Variants in TMEM132C observed in about 807,000 individuals in gnomAD.
TMEM132C encodes transmembrane protein 132C, also known as protein phosphatase 1, regulatory subunit 152.
TMEM132C carries 29 observed loss-of-function variants against 61.4 expected under a neutral mutation model. The ratio of observed to expected loss-of-function variants is 0.47; its 90% CI spans 0.35 to 0.64. The LOEUF is 0.64. Among genes scored for constraint, TMEM132C ranks in the 30% least tolerant of loss-of-function variants. The pLI is 0.00. For missense variants in TMEM132C, 1,408 were observed against 1,476.9 expected, an observed-to-expected ratio of 0.95 and a Z score of 0.76; for synonymous variants, 656 against 633.1, an observed-to-expected ratio of 1.04 and a Z score of -0.54.
intron 1 of TMEM132C, among the ~76,000 whole-genome samples, chr12:128,398,283 T>C (rs1593039249): frequency 6.6e-6 from 1 of 152,240 alleles, no homozygotes; most frequent in African/African-American, 2.4e-5. Flanking sequence ...ATTCAGCATC[T>C]CTAGACTGAC....
At chr12:128,596,651 G>A (rs546063208) in intron 3 of TMEM132C, among the ~76,000 whole-genome samples, 76 of 148,380 alleles carry the variant, frequency 5.1e-4, no homozygotes, top group African/African-American at 1.7e-3. Context: ...TGCCCCTTTC[G>A]CAGGTCCTGG....
chr12:128,565,282 A>C (rs1874657994), intron 3 of TMEM132C, among the ~76,000 whole-genome samples: 1 of 152,198 alleles, frequency 6.6e-6, no homozygotes, highest in South Asian at 2.1e-4. Flanking sequence ...GCCTTCATAT[A>C]AGACCCCGGC....
At chr12:128,548,377 C>A (rs1259514574) in intron 3 of TMEM132C, among the ~76,000 whole-genome samples, 1 of 152,172 alleles carries the variant, frequency 6.6e-6, no homozygotes, top group Non-Finnish European at 1.5e-5. Flanking sequence ...TTTGTTGGGA[C>A]ACACAAAATC....
At chr12:128,516,177 A>G (rs1872711814) in intron 2 of TMEM132C, among the ~76,000 whole-genome samples, 1 of 152,192 alleles carries the variant, frequency 6.6e-6, no homozygotes. Context: ...AACACTAAGT[A>G]CCCACAAAAA....
At chr12:128,603,190 G>A (rs1418289137) in intron 3 of TMEM132C, among the ~76,000 whole-genome samples, 1 of 152,168 alleles carries the variant, frequency 6.6e-6, no homozygotes, top group African/African-American at 2.4e-5. Flanking sequence ...AAAGGCCCTG[G>A]AAATTTTGCA....
chr12:128,648,601 AG>A (rs1954235228), intron 4 of TMEM132C, among the ~76,000 whole-genome samples: 1 of 146,072 alleles, frequency 6.8e-6, no homozygotes, highest in Non-Finnish European at 1.5e-5. Context: ...GAGTGTGTTT[AG>A]CTCAGTCCAT....
chr12:128,545,492 C>T (rs1264064835), intron 3 of TMEM132C, among the ~76,000 whole-genome samples: 1 of 152,180 alleles, frequency 6.6e-6, no homozygotes, highest in Non-Finnish European at 1.5e-5. Context: ...AATGGGATTG[C>T]TGGGTTGGAT....
chr12:128,540,973 CTA>C (rs1873720233), intron 2 of TMEM132C, among the ~76,000 whole-genome samples: 3 of 139,252 alleles, frequency 2.2e-5, no homozygotes, highest in African/African-American at 7.4e-5. Flanking sequence ...CTTTCTGTCT[CTA>C]TCTCTCTGTC....
At chr12:128,432,834 C>T (rs965952873) in intron 2 of TMEM132C, among the ~76,000 whole-genome samples, 2 of 152,078 alleles carry the variant, frequency 1.3e-5, no homozygotes, top group African/African-American at 4.8e-5. Flanking sequence ...TATCAAACAG[C>T]ATCGCGTACT....
chr12:128,473,649 CATTTTAATTCTCACTCCAGCTTCT>C (rs1871058817), intron 2 of TMEM132C, among the ~76,000 whole-genome samples: 1 of 135,636 alleles, frequency 7.4e-6, no homozygotes, highest in African/African-American at 2.7e-5. Context: ...CTCCAGCCTC[CATTTTAATTCTCACTCCAGCTTCT>C]ATCTTCATCC....
chr12:128,688,554 G>A (rs1954695312), intron 5 of TMEM132C, among the ~76,000 whole-genome samples: 1 of 152,174 alleles, frequency 6.6e-6, no homozygotes, highest in African/African-American at 2.4e-5. Context: ...TGACTCACAT[G>A]AACGTGCTAA....
intron 4 of TMEM132C, among the ~76,000 whole-genome samples, chr12:128,648,611 A>T (rs1466967002): frequency 6.7e-6 from 1 of 148,564 alleles, no homozygotes; most frequent in Non-Finnish European, 1.5e-5. Context: ...AGCTCAGTCC[A>T]TCAGCGTTGG....
At chr12:128,699,578 A>G (rs894236091) in intron 8 of TMEM132C, among the ~76,000 whole-genome samples, 6 of 152,172 alleles carry the variant, frequency 3.9e-5, no homozygotes, top group Admixed American at 2.6e-4. Flanking sequence ...AGTCTTTCTC[A>G]TGCTTCCAGT....
At chr12:128,567,766 G>A (rs1874752716) in intron 3 of TMEM132C, among the ~76,000 whole-genome samples, 1 of 152,116 alleles carries the variant, frequency 6.6e-6, no homozygotes, top group African/African-American at 2.4e-5. Context: ...AGTCCAGCAG[G>A]GCAGAAAGCA....
At chr12:128,285,005 G>A (rs1012564971) in intron 1 of TMEM132C, among the ~76,000 whole-genome samples, 4 of 152,080 alleles carry the variant, frequency 2.6e-5, no homozygotes, top group African/African-American at 7.2e-5. Flanking sequence ...TTAGCTGGGC[G>A]TGGTGGTGAG....
At chr12:128,696,723 G>A (rs1954767946) in intron 7 of TMEM132C, among the ~76,000 whole-genome samples, 1 of 152,222 alleles carries the variant, frequency 6.6e-6, no homozygotes, top group African/African-American at 2.4e-5. Context: ...GAAATGGTTA[G>A]CACATTCCCG....
intron 1 of TMEM132C, among the ~76,000 whole-genome samples, chr12:128,316,272 T>C (rs1038839939): frequency 7.2e-5 from 11 of 152,134 alleles, no homozygotes; most frequent in Non-Finnish European, 1.5e-4. Flanking sequence ...CGGCTCCAAG[T>C]GTGTGGGGTC....
At chr12:128,433,079 G>A (rs1869448119) in intron 2 of TMEM132C, among the ~76,000 whole-genome samples, 1 of 151,914 alleles carries the variant, frequency 6.6e-6, no homozygotes, top group African/African-American at 2.4e-5. Flanking sequence ...TTGATCATTA[G>A]CATTTTTAGC....
chr12:128,420,539 G>A (rs1469694896), intron 2 of TMEM132C, among the ~76,000 whole-genome samples: 2 of 152,222 alleles, frequency 1.3e-5, no homozygotes, highest in African/African-American at 2.4e-5. Flanking sequence ...AAAGACTTTT[G>A]TTCCAGGTGA....
Sources: allele counts gnomAD v4.1 joint callset (sites outside exome capture counted in the v4.1 genomes callset), GRCh38; gene constraint gnomAD v4.1.1; transcripts MANE v1.5; gene names NCBI Gene and HGNC (gene_info 2026-07-23, HGNC 2026-07-21).